NRCAM: variants seen among roughly 807,000 people sequenced by gnomAD.
The protein encoded by NRCAM is neuronal cell adhesion molecule.
Under a neutral mutation model 156.5 loss-of-function variants are expected in NRCAM, and 83 were observed. That is an observed-to-expected ratio of 0.53 (90% CI 0.44 to 0.64). The LOEUF (loss-of-function observed/expected upper bound fraction) is 0.64, where lower values mean the gene tolerates loss of function less well. Ranked by LOEUF, NRCAM falls within the 30% of genes least tolerant of loss-of-function variation. The probability of loss-of-function intolerance (pLI) is 0.00; values close to 1 mark genes in which losing one functional copy is unlikely to be tolerated. For missense variants in NRCAM, 1,417 were observed against 1,597.3 expected, an observed-to-expected ratio of 0.89 and a Z score of 1.92; for synonymous variants, 538 against 563.9, an observed-to-expected ratio of 0.95 and a Z score of 0.65.
intron 13 of NRCAM, among the ~76,000 whole-genome samples, chr7:108,205,461 C>T (rs2080615251): frequency 6.6e-6 from 1 of 152,198 alleles, no homozygotes; most frequent in South Asian, 2.1e-4. Flanking sequence ...TCCTCCCCTG[C>T]TTATGTCATC....
chr7:108,447,620 T>C (rs1044743892), intron 1 of NRCAM, among the ~76,000 whole-genome samples: 8 of 152,076 alleles, frequency 5.3e-5, no homozygotes, highest in African/African-American at 1.9e-4. Flanking sequence ...CACCTGTACA[T>C]AAAGGAACAA....
At chr7:108,344,709 T>A (rs2099332262) in intron 2 of NRCAM, among the ~76,000 whole-genome samples, 1 of 152,220 alleles carries the variant, frequency 6.6e-6, no homozygotes, top group Non-Finnish European at 1.5e-5. Flanking sequence ...GACTATTACA[T>A]GAAATGTACC....
At chr7:108,174,539 G>C (rs545501789) in intron 28 of NRCAM, among the ~76,000 whole-genome samples, 397 of 152,342 alleles carry the variant, frequency 2.6e-3, no homozygotes, top group Admixed American at 3.5e-3. Flanking sequence ...CCAGCAGCCA[G>C]GGGTCAAAGA....
intron 11 of NRCAM, among the ~76,000 whole-genome samples, chr7:108,211,700 C>A (rs1257030601): frequency 6.6e-6 from 1 of 152,118 alleles, no homozygotes; most frequent in Non-Finnish European, 1.5e-5. Context: ...CCTAGGTACA[C>A]AACTCCATTG....
At chr7:108,305,544 T>A (rs1315942170) in intron 3 of NRCAM, among the ~76,000 whole-genome samples, 5 of 152,206 alleles carry the variant, frequency 3.3e-5, no homozygotes, top group Non-Finnish European at 7.3e-5. Context: ...TCCCCTGTGC[T>A]TCTTCTCCGT....
At chr7:108,412,355 T>TGTGA (rs1325385772) in intron 1 of NRCAM, among the ~76,000 whole-genome samples, 1 of 152,132 alleles carries the variant, frequency 6.6e-6, no homozygotes, top group Non-Finnish European at 1.5e-5. Flanking sequence ...TCTAAGACTG[T>TGTGA]GTGAGACCTT....
intron 5 of NRCAM, among the ~76,000 whole-genome samples, chr7:108,236,137 G>C (rs1023656337): frequency 2.0e-5 from 3 of 152,096 alleles, no homozygotes; most frequent in Non-Finnish European, 2.9e-5. Flanking sequence ...CACTGTTCTT[G>C]TCTCTCTTGT....
intron 1 of NRCAM, among the ~76,000 whole-genome samples, chr7:108,438,227 C>T (rs2083538553): frequency 6.6e-6 from 1 of 151,908 alleles, no homozygotes; most frequent in Admixed American, 6.6e-5. Context: ...CATTATAAGA[C>T]CAGAAAACTA....
chr7:108,385,457 T>C (rs1045638997), intron 2 of NRCAM, among the ~76,000 whole-genome samples: 1 of 152,216 alleles, frequency 6.6e-6, no homozygotes. Flanking sequence ...AGCATGCATT[T>C]TGAGGTGTGC....
intron 3 of NRCAM, among the ~76,000 whole-genome samples, chr7:108,274,950 G>T (rs188148992): frequency 8.0e-4 from 122 of 152,196 alleles, no homozygotes; most frequent in African/African-American, 2.8e-3. Flanking sequence ...AGCATGAAAG[G>T]CTGTTGGATA....
At chr7:108,376,760 G>A (rs553144433) in intron 2 of NRCAM, among the ~76,000 whole-genome samples, 9 of 152,222 alleles carry the variant, frequency 5.9e-5, no homozygotes, top group South Asian at 2.1e-4. Context: ...TGCCTTAAAC[G>A]CAAGCAAAAG....
At chr7:108,215,643 A>G (rs1366356140) in intron 11 of NRCAM, among the ~76,000 whole-genome samples, 1 of 150,946 alleles carries the variant, frequency 6.6e-6, no homozygotes, top group Non-Finnish European at 1.5e-5. Flanking sequence ...TGTTGCATTG[A>G]TCCCTTTACC....
intron 11 of NRCAM, among the ~76,000 whole-genome samples, chr7:108,217,440 C>T (rs528168340): frequency 1.3e-5 from 2 of 152,218 alleles, no homozygotes; most frequent in East Asian, 1.9e-4. Context: ...TAGCAGAGCT[C>T]GAGCACTGTG....
chr7:108,210,200 A>G (rs1290365784), intron 11 of NRCAM, among the ~76,000 whole-genome samples: 1 of 151,948 alleles, frequency 6.6e-6, no homozygotes, highest in Non-Finnish European at 1.5e-5. Flanking sequence ...CTAATTAAGA[A>G]TAGATCAAAC....
intron 2 of NRCAM, among the ~76,000 whole-genome samples, chr7:108,379,257 G>A (rs1563521899): frequency 6.6e-6 from 1 of 152,126 alleles, no homozygotes; most frequent in Non-Finnish European, 1.5e-5. Flanking sequence ...AAAAAAGTAA[G>A]TGTGGTAACA....
intron 3 of NRCAM, among the ~76,000 whole-genome samples, chr7:108,248,945 G>A (rs1230547407): frequency 6.7e-6 from 1 of 148,590 alleles, no homozygotes; most frequent in Non-Finnish European, 1.5e-5. Context: ...TCATCTCGGC[G>A]ATTAGTCAGG....
chr7:108,316,529 A>G (rs1593053409), intron 2 of NRCAM, among the ~76,000 whole-genome samples: 2 of 152,120 alleles, frequency 1.3e-5, no homozygotes, highest in East Asian at 3.9e-4. Flanking sequence ...TAATCCCAGC[A>G]CTTTGGGAGG....
chr7:108,421,835 G>C (rs931284915), intron 1 of NRCAM, among the ~76,000 whole-genome samples: 2 of 152,174 alleles, frequency 1.3e-5, no homozygotes, highest in African/African-American at 2.4e-5. Context: ...TTTTAGTTTA[G>C]GATTTTAGGA....
At chr7:108,242,954 T>A (rs1239748686) in intron 3 of NRCAM, 1 of 152,214 alleles carries the variant, frequency 6.6e-6, no homozygotes, top group East Asian at 1.9e-4. Flanking sequence ...CTATGCTTTT[T>A]CAGAGTATAC....
Sources: allele counts gnomAD v4.1 joint callset (sites outside exome capture counted in the v4.1 genomes callset), GRCh38; gene constraint gnomAD v4.1.1; transcripts MANE v1.5; gene names NCBI Gene and HGNC (gene_info 2026-07-23, HGNC 2026-07-21).